Variants in C14orf39 observed in about 807,000 individuals in gnomAD.
C14orf39 encodes chromosome 14 open reading frame 39.
A neutral mutation model predicts 85.6 loss-of-function variants in C14orf39; 66 were observed. The ratio of observed to expected loss-of-function variants is 0.77; its 90% CI spans 0.63 to 0.95. C14orf39 has a LOEUF of 0.95. Ranked by LOEUF, C14orf39 falls within the 40% of genes least tolerant of loss-of-function variation. C14orf39 has a pLI of 0.00. For missense variants in C14orf39, 735 were observed against 663.9 expected (o/e 1.11, Z -1.18); for synonymous variants, 242 against 214.0 (o/e 1.13, Z -1.14).
At position 60,484,594 on chromosome 14, in the gene C14orf39, G is replaced by T. The variant is rs1056397109; in HGVS notation, c.106+287C>A. Among the ~76,000 whole-genome samples, 1 of 152,192 alleles carries T rather than the reference G, an allele frequency of 6.6e-6. No homozygotes were observed. Among genetic ancestry groups the T allele is most frequent in the Admixed American group, 6.5e-5 (1 of 15,298 alleles). On this transcript the variant is annotated intron_variant, in intron 3 of 17. Transcript: ENST00000321731. This position sits in a 1 kb window ranked among gnomAD's most constrained non-coding sequence, Gnocchi z 4.2. ...TTCACTCAACTATTTGAAATAACTT[G>T]TTATTAGAGAAAAATAACATCTTTT...
chr14:60,457,950 T>G (rs1253704303), intron 14 of C14orf39, among the ~76,000 whole-genome samples: 3 of 152,012 alleles, frequency 2.0e-5, no homozygotes, highest in Middle Eastern at 6.3e-3. Context: ...TGTCACTTAC[T>G]GATGATAACT....
Position 60,471,573 on chromosome 14 carries a change from T to A in C14orf39, c.490A>T (p.Thr164Ser). ...ATACCTCGAAATTTCATAAAAATTGTTTCATTCATTTTTAATTGTTCAGTA... is the reference window on the plus strand; with the variant it reads ...ATACCTCGAAATTTCATAAAAATTGATTCATTCATTTTTAATTGTTCAGTA... ...ACTEQLKMNE[T>S]IFMKFRVPAP... The change falls in exon 6 of 18, where the codon ACA becomes TCA. Residue 164 changes from threonine (T) to serine (S), a missense_variant. Physicochemically the swap from Thr to Ser is moderately conservative, Grantham distance 58. Coordinates refer to ENST00000321731, the MANE Select transcript of C14orf39 (RefSeq NM_174978.3). 2 of 1,593,058 alleles carry A rather than the reference T, an allele frequency of 1.3e-6. No individual in the cohort carries two copies. The highest frequency in any genetic ancestry group is 1.7e-6 in the Non-Finnish European group (2 of 1,173,346).
intron 5 of C14orf39, among the ~76,000 whole-genome samples, chr14:60,473,292 T>C (rs562957861): frequency 6.6e-6 from 1 of 152,350 alleles, no homozygotes; most frequent in East Asian, 1.9e-4. Flanking sequence ...TCATTATAGA[T>C]TCTGGATATC....
chr14:60,481,856 C>T (rs1039901952), intron 4 of C14orf39, among the ~76,000 whole-genome samples: 1 of 151,920 alleles, frequency 6.6e-6, no homozygotes, highest in Non-Finnish European at 1.5e-5. Flanking sequence ...TTTAAACAAT[C>T]CTTATTTGAC....
At chr14:60,474,813 T>C (rs1407966342) in intron 5 of C14orf39, among the ~76,000 whole-genome samples, 2 of 152,164 alleles carry the variant, frequency 1.3e-5, no homozygotes, top group South Asian at 2.1e-4. Context: ...CAGTATTTTA[T>C]TGAGGATTTT....
In C14orf39 at chr14:60,484,711, T is replaced by C. The variant is rs749568649; in HGVS notation, c.106+170A>G. Among the ~76,000 whole-genome samples, 1 of 152,234 alleles carries C rather than the reference T, an allele frequency of 6.6e-6. No individual in the cohort carries two copies. The highest frequency in any genetic ancestry group is 1.5e-5 in the Non-Finnish European group (1 of 68,034). ...ATAGAAGTTTATTATCAAACAACTA[T>C]AGTTAAGTCACATCTATTTCGTCTA... is the stretch of plus-strand genomic sequence containing the variant. On this transcript the variant is annotated intron_variant, in intron 3 of 17. Coordinates refer to ENST00000321731, the MANE Select transcript of C14orf39 (RefSeq NM_174978.3). This position sits in a 1 kb window ranked among gnomAD's most constrained non-coding sequence, Gnocchi z 4.2.
intron 10 of C14orf39, 116 bp downstream of exon 10, chr14:60,466,801 T>C (rs1891809451): frequency 3.0e-6 from 2 of 677,688 alleles, no homozygotes; most frequent in South Asian, 4.2e-5. Flanking sequence ...CTTGAGTTTA[T>C]AGGTCTCCAG....
intron 1 of C14orf39, among the ~76,000 whole-genome samples, chr14:60,503,941 C>T (rs1054556697): frequency 1.3e-5 from 2 of 152,094 alleles, no homozygotes; most frequent in Non-Finnish European, 1.5e-5. Context: ...GGGGCAAGAT[C>T]CTTTGGGTCA....
chr14:60,496,065 T>C, intron 2 of C14orf39: 1 of 784,872 alleles, frequency 1.3e-6, no homozygotes, highest in Non-Finnish European at 2.0e-6. Context: ...TTTCAAGGCA[T>C]CCAGAGACAG....
chr14:60,450,176 A>C (rs1411554036), intron 16 of C14orf39, among the ~76,000 whole-genome samples: 1 of 152,220 alleles, frequency 6.6e-6, no homozygotes, highest in African/African-American at 2.4e-5. Context: ...TATCTTGCAC[A>C]CTAGGTACCA....
intron 11 of C14orf39, 128 bp downstream of exon 11, chr14:60,465,851 A>AACAC (rs10529202): frequency 3.2e-4 from 131 of 414,938 alleles, no homozygotes; most frequent in East Asian, 3.2e-3. Context: ...ATAAATTTAT[A>AACAC]ACACACACAC....
At chr14:60,444,223 T>G (rs936461047) in intron 16 of C14orf39, among the ~76,000 whole-genome samples, 6 of 152,154 alleles carry the variant, frequency 3.9e-5, no homozygotes, top group Admixed American at 1.3e-4. Context: ...GATGCAGGCT[T>G]CAGAAGGTCG....
At chr14:60,456,693 G>C (rs141492129) in intron 15 of C14orf39, among the ~76,000 whole-genome samples, 2 of 152,094 alleles carry the variant, frequency 1.3e-5, no homozygotes, top group South Asian at 2.1e-4. Context: ...TATGAAACAG[G>C]AACAGCAGAG....
chr14:60,509,188 C>T (rs1308258425), intron 1 of C14orf39: 2 of 591,362 alleles, frequency 3.4e-6, no homozygotes, highest in African/African-American at 1.9e-5. Context: ...TGAGCCGAGC[C>T]GAGCCCGAAC....
upstream of C14orf39, among the ~76,000 whole-genome samples, chr14:60,490,667 G>A (rs922682593): frequency 2.0e-5 from 3 of 151,976 alleles, no homozygotes; most frequent in African/African-American, 7.2e-5. Context: ...ATGTTACTGT[G>A]TAACACAAAA....
At chr14:60,472,996 G>A in intron 5 of C14orf39, among the ~76,000 whole-genome samples, 1 of 152,148 alleles carries the variant, frequency 6.6e-6, no homozygotes, top group East Asian at 1.9e-4. Flanking sequence ...TTCCACAATG[G>A]TTGAACTAGT....
chr14:60,496,468 C>A, intron 2 of C14orf39: 1 of 266,370 alleles, frequency 3.8e-6, no homozygotes, highest in Non-Finnish European at 7.6e-6. Context: ...CCTTTATGTC[C>A]CCTTAGCTGC....
At chr14:60,495,582 T>C in intron 2 of C14orf39, 1 of 228,928 alleles carries the variant, frequency 4.4e-6, no homozygotes, top group Admixed American at 4.1e-5. Context: ...TGCTCCCATT[T>C]TGTCCTGGAA....
chr14:60,451,172 T>TA (rs1192520028), intron 16 of C14orf39, among the ~76,000 whole-genome samples: 4 of 151,960 alleles, frequency 2.6e-5, no homozygotes, highest in Non-Finnish European at 5.9e-5. Context: ...AGGCAATCAT[T>TA]AAAAAATCAG....
Sources: gnomAD v4.1 joint callset for allele counts (sites outside exome capture counted in the v4.1 genomes callset) on GRCh38, gnomAD v4.1.1 for gene constraint, Gnocchi (gnomAD v3.1) non-coding constraint, MANE v1.5 for transcripts, NCBI Gene and HGNC (gene_info 2026-07-23, HGNC 2026-07-21) for gene names.